The following ABCD3 variants were observed in gnomAD, a reference collection of about 807,000 sequenced individuals.
ABCD3 encodes ATP binding cassette subfamily D member 3.
In ABCD3, 41 loss-of-function variants were observed where a neutral mutation model predicts 105.5. The ratio of observed to expected loss-of-function variants is 0.39; its 90% CI spans 0.30 to 0.50. The LOEUF is 0.50. Among genes scored for constraint, ABCD3 ranks in the 20% least tolerant of loss-of-function variants. The pLI, the probability that ABCD3 is intolerant of heterozygous loss-of-function variation, is 0.84. For synonymous variants in ABCD3, 258 were observed against 269.0 expected, an observed-to-expected ratio of 0.96 and a Z score of 0.40; for missense variants, 622 against 806.3, an observed-to-expected ratio of 0.77 and a Z score of 2.77.
chr1:94,489,403 A>G (rs912847684), intron 13 of ABCD3, among the ~76,000 whole-genome samples: 2 of 152,070 alleles, frequency 1.3e-5, no homozygotes, highest in Non-Finnish European at 2.9e-5. Context: ...GGTCTAAGGA[A>G]TATACTAGTA....
intron 20 of ABCD3, among the ~76,000 whole-genome samples, chr1:94,505,409 C>G (rs1382052102): frequency 6.8e-6 from 1 of 148,128 alleles, no homozygotes; most frequent in African/African-American, 2.5e-5. Flanking sequence ...GATGTGGTTT[C>G]CCTGTGTTGC....
At chr1:94,488,450 CAT>C (rs1397533269) in intron 13 of ABCD3, among the ~76,000 whole-genome samples, 1 of 151,712 alleles carries the variant, frequency 6.6e-6, no homozygotes, top group Non-Finnish European at 1.5e-5. Flanking sequence ...TGAATGTAGT[CAT>C]ATTATCTAGT....
At chr1:94,461,334 T>G (rs1472221511) in intron 2 of ABCD3, among the ~76,000 whole-genome samples, 1 of 152,018 alleles carries the variant, frequency 6.6e-6, no homozygotes, top group Non-Finnish European at 1.5e-5. Context: ...ACGTGAATTT[T>G]AAGGAGGAAA....
In ABCD3 at chr1:94,506,642, G is replaced by A; in HGVS notation, c.1845G>A (p.Lys615=). The change falls in exon 21 of 23, where the codon AAG becomes AAA. Residue 615 remains lysine, a splice_region_variant and synonymous_variant. Transcript: ENST00000370214. ...GCTACATTTATAGTCATTGTCGAAA[G>A]GTAAGTACGCAGGTGCTCAGTTTGA... ...VEGYIYSHCR[K]VGITLFTVSH... 1 of 1,609,572 alleles carries A rather than the reference G, an allele frequency of 6.2e-7. No individual in the cohort carries two copies. Among genetic ancestry groups the A allele is most frequent in the Non-Finnish European group, 8.5e-7 (1 of 1,176,482 alleles).
chr1:94,479,895 G>A (rs1006917224), intron 8 of ABCD3, among the ~76,000 whole-genome samples: 3 of 152,022 alleles, frequency 2.0e-5, no homozygotes, highest in Admixed American at 6.6e-5. Flanking sequence ...TTAATACATA[G>A]TACAGCAGCT....
At chr1:94,406,546 C>T in the ABCD3 span, 1 of 362,002 alleles carries the variant, frequency 2.8e-6, no homozygotes, top group Non-Finnish European at 5.4e-6. Context: ...TGATCATTTT[C>T]CTTCTTGCGT....
rs556236228 is a variant in ABCD3 at position 94,437,277 on chromosome 1, A to G, written c.110+18689A>G. ...CCTAGGACTTTCATAGCTAGAGAAGATAAGTAAATGCCTTGCTTCAAAGAA... is the reference window on the plus strand; with the variant it reads ...CCTAGGACTTTCATAGCTAGAGAAGGTAAGTAAATGCCTTGCTTCAAAGAA... On this transcript the variant is annotated intron_variant, in intron 1 of 22. Transcript: ENST00000370214. 9.0e-4 allele frequency among the ~76,000 whole-genome samples: 137 copies of G among 152,360 alleles called. 5 individuals are homozygous for G. The South Asian group carries it at 0.024, about 26-fold the overall frequency.
At chr1:94,511,244 C>T (rs1276148141) in intron 21 of ABCD3, among the ~76,000 whole-genome samples, 4 of 151,988 alleles carry the variant, frequency 2.6e-5, no homozygotes, top group Admixed American at 1.3e-4. Context: ...TTCTCCTTTA[C>T]TTATGAAGCT....
chr1:94,419,452 C>A, intron 1 of ABCD3: 1 of 659,010 alleles, frequency 1.5e-6, no homozygotes, highest in African/African-American at 2.0e-5. Flanking sequence ...ATTACGGTTG[C>A]GACATACAGG....
At chr1:94,515,067 T>C in intron 21 of ABCD3, 79 bp from the exon 22 acceptor site, 1 of 1,152,986 alleles carries the variant, frequency 8.7e-7, no homozygotes, top group South Asian at 1.2e-5. Flanking sequence ...GACTGTCCTC[T>C]TAACAGCTTA....
At chr1:94,388,182 A>C in the ABCD3 span, among the ~76,000 whole-genome samples, 8 of 152,362 alleles carry the variant, frequency 5.3e-5, no homozygotes, top group South Asian at 1.7e-3. Context: ...ATTTATTTAA[A>C]AATAAAACAT....
intron 1 of ABCD3, among the ~76,000 whole-genome samples, chr1:94,431,790 A>G (rs939304794): frequency 3.3e-5 from 5 of 152,192 alleles, no homozygotes; most frequent in African/African-American, 1.2e-4. Context: ...GTGAACCACC[A>G]TGCCTGGACT....
intron 16 of ABCD3, among the ~76,000 whole-genome samples, chr1:94,495,581 T>C (rs1204351236): frequency 1.3e-5 from 2 of 152,184 alleles, no homozygotes; most frequent in Non-Finnish European, 1.5e-5. Context: ...ATTTAGAGCA[T>C]AAAAGGATAA....
rs577154008 is a variant in ABCD3 at position 94,464,795 on chromosome 1, A to C, written c.168A>C (p.Arg56=). ...QNNEKEGKKE[R]AVVDKVFFSR... The stretch of plus-strand genomic sequence containing the variant: ...TGCAGAAAGAGGGGAAAAAGGAGCG[A>C]GCTGTGGTGGACAAGGTGTTTTTCT... The change falls in exon 3 of 23, where the codon CGA becomes CGC. Residue 56 remains arginine, a synonymous_variant. Coordinates refer to ENST00000370214, the MANE Select transcript of ABCD3 (RefSeq NM_002858.4). 30 of 1,613,822 alleles carry C rather than the reference A, an allele frequency of 1.9e-5. No individual in the cohort carries two copies. In the South Asian group the frequency reaches 3.2e-4, roughly 17 times the overall value.
intron 5 of ABCD3, 83 bp downstream of exon 5, chr1:94,473,918 C>A (rs1648607391): frequency 6.6e-6 from 7 of 1,062,164 alleles, no homozygotes; most frequent in South Asian, 1.4e-5. Flanking sequence ...TTATTAAATT[C>A]TTTAAAGACT....
the ABCD3 span, among the ~76,000 whole-genome samples, chr1:94,390,651 T>G: frequency 6.6e-6 from 1 of 152,132 alleles, no homozygotes; most frequent in Non-Finnish European, 1.5e-5. Context: ...TCTCTGCAAT[T>G]CCTCCCATAT....
the ABCD3 span, among the ~76,000 whole-genome samples, chr1:94,390,407 A>G: frequency 2.0e-5 from 3 of 152,082 alleles, no homozygotes; most frequent in Admixed American, 2.0e-4. Context: ...GGTTCAAGCA[A>G]TTCTCCTGCC....
chr1:94,509,647 T>C (rs1650562196), intron 21 of ABCD3, among the ~76,000 whole-genome samples: 1 of 152,180 alleles, frequency 6.6e-6, no homozygotes, highest in African/African-American at 2.4e-5. Context: ...AAGCTATTGA[T>C]TATTGCCACA....
upstream of ABCD3, among the ~76,000 whole-genome samples, chr1:94,417,745 T>C (rs1439790982): frequency 6.6e-6 from 1 of 152,258 alleles, no homozygotes; most frequent in Non-Finnish European, 1.5e-5. Context: ...TGTGAAACTT[T>C]TCTATTTTGT....
Sources: allele counts gnomAD v4.1 joint callset (sites outside exome capture counted in the v4.1 genomes callset), GRCh38; gene constraint gnomAD v4.1.1; transcripts MANE v1.5; gene names NCBI Gene and HGNC (gene_info 2026-07-23, HGNC 2026-07-21).